The following AK3 variants were observed in gnomAD, a reference collection of about 807,000 sequenced individuals.
AK3 encodes adenylate kinase 3.
Under a neutral mutation model 23.7 loss-of-function variants are expected in AK3, and 27 were observed. The ratio of observed to expected loss-of-function variants is 1.14; its 90% CI spans 0.84 to 1.57. AK3 has a LOEUF of 1.57. Ranked by LOEUF, AK3 falls within the 40% of genes most tolerant of loss-of-function variation. The pLI, the probability that AK3 is intolerant of heterozygous loss-of-function variation, is 0.00. For missense variants in AK3, 406 were observed against 285.6 expected (o/e 1.42, Z -3.04); for synonymous variants, 159 against 116.0 (o/e 1.37, Z -2.38).
At chr9:4,733,456 G>A (rs1842200692) in intron 1 of AK3, among the ~76,000 whole-genome samples, 1 of 152,184 alleles carries the variant, frequency 6.6e-6, no homozygotes, top group Non-Finnish European at 1.5e-5. Context: ...TTTCTCTCTG[G>A]TGATGGGTAA....
Position 4,741,180 on chromosome 9 carries a change from A to C in AK3, c.-93T>G. ...CGGCAGCCTGCGCCGGCCGGCTAGC[A>C]GCGCCACTAGCAGGCGGCTACTGCG... On this transcript the variant is annotated 5_prime_UTR_variant, in exon 1 of 5. Coordinates refer to ENST00000381809, the MANE Select transcript of AK3 (RefSeq NM_016282.4). The C allele has an allele frequency of 7.8e-7, 1 of 1,273,904 alleles. No homozygotes were observed. The highest frequency in any genetic ancestry group is 1.0e-6 in the Non-Finnish European group (1 of 993,580). 78.9% of individuals were successfully genotyped at this position (1,273,904 alleles called of 1,614,324 possible).
chr9:4,714,355 A>G (rs76249723), intron 4 of AK3, among the ~76,000 whole-genome samples: 3 of 152,192 alleles, frequency 2.0e-5, no homozygotes, highest in Non-Finnish European at 1.5e-5. Context: ...TTCACTAAGG[A>G]CAAAAGCATT....
intron 1 of AK3, among the ~76,000 whole-genome samples, chr9:4,735,302 T>TAC (rs1842249219): frequency 1.2e-5 from 1 of 81,262 alleles, no homozygotes; most frequent in Non-Finnish European, 2.3e-5. Flanking sequence ...AATATATATA[T>TAC]ACATATATAA....
At chr9:4,716,468 G>A (rs1000421355) in intron 4 of AK3, among the ~76,000 whole-genome samples, 2 of 152,186 alleles carry the variant, frequency 1.3e-5, no homozygotes, top group Admixed American at 6.5e-5. Flanking sequence ...AATATTGCCT[G>A]ATTTTACAAA....
chr9:4,729,687 C>T lies in AK3; in HGVS notation c.152-7062G>A, dbSNP rs780172622. 7.2e-5 allele frequency among the ~76,000 whole-genome samples: 11 copies of T among 151,824 alleles called. 1 individual carries two copies. Among genetic ancestry groups the T allele is most frequent in the Admixed American group, 2.6e-4 (4 of 15,236 alleles). ...TACATCTAAATAAAAAAAATACGGG[C>T]ATGGTGGTGCATGCCTGTAGTCCCA... On this transcript the variant is annotated intron_variant, in intron 1 of 4. Transcript: ENST00000381809.
intron 1 of AK3, among the ~76,000 whole-genome samples, chr9:4,738,276 C>G (rs1020114469): frequency 4.6e-5 from 7 of 152,182 alleles, no homozygotes; most frequent in African/African-American, 1.7e-4. Context: ...AGTGATTCTC[C>G]TGCCTCAGCC....
upstream of AK3, chr9:4,742,041 T>A (rs1587667311): frequency 6.6e-6 from 1 of 152,220 alleles, no homozygotes; most frequent in Admixed American, 6.5e-5. Flanking sequence ...TAAAAGAGTG[T>A]GTGAAACTGT....
chr9:4,722,360 A>C (rs915477851), intron 2 of AK3, 146 bp downstream of exon 2: 2 of 1,125,834 alleles, frequency 1.8e-6, no homozygotes, highest in African/African-American at 3.1e-5. Flanking sequence ...CTGGTCCCAG[A>C]GAAGATGACT....
rs1563776551 is a variant in AK3 at position 4,709,932 on chromosome 9, CA to C, written c.*3043del. 1.3e-5 allele frequency: 2 copies of C among 151,968 alleles called. No individual in the cohort carries two copies. The highest frequency in any genetic ancestry group is 2.4e-5 in the African/African-American group (1 of 41,348). 9.4% of individuals were successfully genotyped at this position (151,968 alleles called of 1,614,324 possible). On this transcript the variant is annotated 3_prime_UTR_variant, in exon 5 of 5. Coordinates refer to ENST00000381809, the MANE Select transcript of AK3 (RefSeq NM_016282.4). ...TAACATAATTTGAGATCTATAATTACAATGATTTGTTGTTAGTATAGGGCAG... is the reference window on the plus strand; with the variant it reads ...TAACATAATTTGAGATCTATAATTACATGATTTGTTGTTAGTATAGGGCAG...
At chr9:4,717,384 G>A (rs7856334) in intron 4 of AK3, among the ~76,000 whole-genome samples, 17,600 of 152,172 alleles carry the variant, frequency 0.12, 1,356 homozygotes, top group Non-Finnish European at 0.17. Flanking sequence ...GACAAAACAA[G>A]AGCAGACAAA....
intron 1 of AK3, among the ~76,000 whole-genome samples, chr9:4,738,756 CTTTACT>C (rs1383647475): frequency 1.0e-3 from 135 of 131,910 alleles, no homozygotes; most frequent in Middle Eastern, 4.2e-3. Context: ...AATAAATATG[CTTTACT>C]TTTTTTTTTT....
intron 4 of AK3, among the ~76,000 whole-genome samples, chr9:4,714,611 A>G (rs1286514098): frequency 2.0e-5 from 3 of 152,210 alleles, no homozygotes; most frequent in Non-Finnish European, 4.4e-5. Context: ...TGGGTTAATT[A>G]CTGAGGGCAC....
intron 1 of AK3, among the ~76,000 whole-genome samples, chr9:4,726,794 C>T (rs1192517235): frequency 6.6e-6 from 1 of 151,214 alleles, no homozygotes; most frequent in African/African-American, 2.4e-5. Flanking sequence ...TTACTTTGCC[C>T]AAATCCATCA....
intron 1 of AK3, among the ~76,000 whole-genome samples, chr9:4,737,962 T>C (rs1842336059): frequency 6.6e-6 from 1 of 152,190 alleles, no homozygotes. Flanking sequence ...GGAAACTAAA[T>C]TGGCACAATC....
intron 1 of AK3, among the ~76,000 whole-genome samples, chr9:4,735,241 A>G (rs1298602296): frequency 4.7e-5 from 1 of 21,266 alleles, no homozygotes; most frequent in African/African-American, 3.3e-4. Context: ...ATATATACAT[A>G]TATAAATATA....
intron 1 of AK3, among the ~76,000 whole-genome samples, chr9:4,726,836 T>C (rs1408867344): frequency 2.0e-5 from 3 of 151,822 alleles, no homozygotes; most frequent in Admixed American, 6.6e-5. Context: ...CAGCTGAACC[T>C]TATGAAATGT....
intron 1 of AK3, among the ~76,000 whole-genome samples, chr9:4,734,012 G>C (rs1194177049): frequency 2.0e-5 from 3 of 152,184 alleles, no homozygotes; most frequent in Admixed American, 6.5e-5. Context: ...TGTTGTTATA[G>C]ATGGAAGTAT....
Position 4,741,082 on chromosome 9 carries a change from C to G in AK3, c.6G>C (p.Gly2=). ...CCGCTCGCAGCAGCCGCGCGGACGC[C>G]CCCATGGCCGCAGACTGAGGCCCGC... is the stretch of plus-strand genomic sequence containing the variant. M[G]ASARLLRAVI... Residue 2 remains glycine, a synonymous_variant, in exon 1 of 5, where the codon GGG becomes GGC. Coordinates refer to ENST00000381809, the MANE Select transcript of AK3 (RefSeq NM_016282.4). The G allele has an allele frequency of 6.5e-7, 1 of 1,539,560 alleles. No individual in the cohort carries two copies. The highest frequency in any genetic ancestry group is 2.0e-5 in the Admixed American group (1 of 49,342).
At position 4,715,056 on chromosome 9, in the gene AK3, T is replaced by C. The variant is rs546082006; in HGVS notation, c.564-1960A>G. Among the ~76,000 whole-genome samples, 22 of 151,630 alleles carry C rather than the reference T, an allele frequency of 1.5e-4. No homozygotes were observed. The South Asian group carries it at 2.9e-3, about 20-fold the overall frequency. On this transcript the variant is annotated intron_variant, in intron 4 of 4. Coordinates refer to ENST00000381809, the MANE Select transcript of AK3 (RefSeq NM_016282.4). The stretch of plus-strand genomic sequence containing the variant: ...CAACATGGCGAAACCCCGTCTCTAC[T>C]AAAAATACAAAAATTAGCAGGACAT...
Sources: allele counts gnomAD v4.1 joint callset (sites outside exome capture counted in the v4.1 genomes callset), GRCh38; gene constraint gnomAD v4.1.1; transcripts MANE v1.5; gene names NCBI Gene and HGNC (gene_info 2026-07-23, HGNC 2026-07-21).